The following CDH4 variants were observed in gnomAD, a reference collection of about 807,000 sequenced individuals.
The protein encoded by CDH4 is cadherin-4.
Under a neutral mutation model 86.0 loss-of-function variants are expected in CDH4, and 33 were observed. The observed-to-expected ratio is 0.38, with a 90% CI of 0.29 to 0.51. The LOEUF is 0.51. Among genes scored for constraint, CDH4 ranks in the 20% least tolerant of loss-of-function variants. The probability of loss-of-function intolerance (pLI) is 0.86; values close to 1 mark genes in which losing one functional copy is unlikely to be tolerated. For missense variants in CDH4, 1,114 were observed against 1,307.4 expected (o/e 0.85, Z 2.28); for synonymous variants, 555 against 549.4 (o/e 1.01, Z -0.14).
chr20:61,853,138 T>A (rs565955271), intron 6 of CDH4, among the ~76,000 whole-genome samples: 27 of 152,242 alleles, frequency 1.8e-4, no homozygotes, highest in African/African-American at 6.5e-4. Flanking sequence ...GCCAACGGGC[T>A]GGGAAGAAAA....
At chr20:61,649,609 A>G (rs569546248) in intron 2 of CDH4, among the ~76,000 whole-genome samples, 2 of 152,336 alleles carry the variant, frequency 1.3e-5, no homozygotes, top group African/African-American at 4.8e-5. Context: ...TCCTGCAGGA[A>G]GAGACTTGTA....
At chr20:61,328,901 T>C (rs1184444216) in intron 2 of CDH4, among the ~76,000 whole-genome samples, 1 of 152,216 alleles carries the variant, frequency 6.6e-6, no homozygotes. Context: ...GCTCCTTAAT[T>C]TACAGCCCAA....
intron 2 of CDH4, among the ~76,000 whole-genome samples, chr20:61,332,762 G>A (rs8117647): frequency 0.017 from 2,651 of 152,276 alleles, 85 homozygotes; most frequent in African/African-American, 0.061. Context: ...GAAGTTATTC[G>A]CTTCCTGGTG....
intron 2 of CDH4, among the ~76,000 whole-genome samples, chr20:61,629,629 G>A (rs1428544066): frequency 6.6e-6 from 1 of 152,198 alleles, no homozygotes; most frequent in Non-Finnish European, 1.5e-5. Flanking sequence ...TGTTAGTAAT[G>A]ATCACTTAAG....
intron 2 of CDH4, among the ~76,000 whole-genome samples, chr20:61,677,192 A>T (rs1006571913): frequency 1.3e-5 from 2 of 152,138 alleles, no homozygotes; most frequent in African/African-American, 4.8e-5. Context: ...AGCTGGCTGG[A>T]GTAGGGGAAG....
chr20:61,274,930 A>C (rs186239287), intron 2 of CDH4, among the ~76,000 whole-genome samples: 1 of 141,736 alleles, frequency 7.1e-6, no homozygotes, highest in African/African-American at 2.7e-5. Flanking sequence ...TACTGTGCAC[A>C]GTTTGGAGGA....
chr20:61,666,290 G>A (rs1324901771), intron 2 of CDH4, among the ~76,000 whole-genome samples: 1 of 152,194 alleles, frequency 6.6e-6, no homozygotes, highest in Non-Finnish European at 1.5e-5. Flanking sequence ...GCCTGGAGCT[G>A]GGGAGTCGGC....
Position 61,491,562 on chromosome 20 carries a change from G to A in CDH4, c.169+236625G>A, listed in dbSNP as rs112991020. Among the ~76,000 whole-genome samples, 693 of 152,318 alleles carry A rather than the reference G, an allele frequency of 4.5e-3. 3 individuals carry two copies. Among genetic ancestry groups the A allele is most frequent in the African/African-American group, 0.016 (668 of 41,568 alleles). On this transcript the variant is annotated intron_variant, in intron 2 of 15. Coordinates refer to ENST00000614565, the MANE Select transcript of CDH4 (RefSeq NM_001794.5). ...GATACAAACTGTGATTTAAAGATAC[G>A]CAAAAATTGTGATGCAGTCTTGAAG...
rs137941115 is a variant in CDH4, at chr20:61,463,289, G to A, written c.169+208352G>A. 1.2e-4 allele frequency among the ~76,000 whole-genome samples: 19 copies of A among 152,288 alleles called. No homozygotes were observed. In the East Asian group the frequency reaches 1.5e-3, roughly 12 times the overall value. On this transcript the variant is annotated intron_variant, in intron 2 of 15. Transcript: ENST00000614565. ...GAACAGAATAATACAGGTGGGCACC[G>A]GGGCAGGAGTAGGCAGGCAAAGCCC...
chr20:61,321,831 C>G (rs142667758), intron 2 of CDH4, among the ~76,000 whole-genome samples: 1 of 152,256 alleles, frequency 6.6e-6, no homozygotes, highest in East Asian at 1.9e-4. Flanking sequence ...CAATAGCTGC[C>G]AAAGACGCTC....
intron 8 of CDH4, among the ~76,000 whole-genome samples, chr20:61,900,249 G>C (rs74780268): frequency 1.3e-5 from 2 of 152,230 alleles, no homozygotes; most frequent in East Asian, 3.8e-4. Flanking sequence ...ACGATTCAGC[G>C]TGAGTTCCTG....
chr20:61,362,842 A>C (rs2084791588), intron 2 of CDH4, among the ~76,000 whole-genome samples: 1 of 152,160 alleles, frequency 6.6e-6, no homozygotes, highest in Non-Finnish European at 1.5e-5. Flanking sequence ...TGCCAAGTAC[A>C]AGGGTCCAGC....
chr20:61,622,597 A>G (rs945875729), intron 2 of CDH4, among the ~76,000 whole-genome samples: 3 of 152,246 alleles, frequency 2.0e-5, no homozygotes, highest in South Asian at 2.1e-4. Flanking sequence ...GGCCCTTGCT[A>G]CGGAAGACTC....
chr20:61,606,737 G>C (rs1380170144), intron 2 of CDH4, among the ~76,000 whole-genome samples: 5 of 152,236 alleles, frequency 3.3e-5, no homozygotes, highest in Non-Finnish European at 7.3e-5. Flanking sequence ...CCTGCTCAGG[G>C]CCAGTGACAT....
intron 6 of CDH4, among the ~76,000 whole-genome samples, chr20:61,860,346 G>C (rs1983263766): frequency 6.6e-6 from 1 of 152,218 alleles, no homozygotes; most frequent in South Asian, 2.1e-4. Flanking sequence ...GGCAATCCCT[G>C]TCTTCCCTGA....
At chr20:61,853,260 C>T (rs1982823654) in intron 6 of CDH4, among the ~76,000 whole-genome samples, 2 of 151,974 alleles carry the variant, frequency 1.3e-5, no homozygotes, top group African/African-American at 4.8e-5. Context: ...CGGAGTGGGA[C>T]TGGGGTGGGC....
chr20:61,459,117 G>A (rs1040108713), intron 2 of CDH4, among the ~76,000 whole-genome samples: 67 of 152,060 alleles, frequency 4.4e-4, no homozygotes, highest in African/African-American at 1.6e-3. Context: ...GGCCCCAGTG[G>A]CCCCAGCATG....
intron 2 of CDH4, among the ~76,000 whole-genome samples, chr20:61,466,407 T>G (rs968878098): frequency 1.3e-5 from 2 of 152,208 alleles, no homozygotes; most frequent in Non-Finnish European, 2.9e-5. Flanking sequence ...AGATCGTGCA[T>G]AGCAGGTGCA....
In CDH4 at chr20:61,518,309, G is replaced by T. The variant is rs1266770913; in HGVS notation, c.170-225254G>T. ...GGAGGACTCCCAGGTGCAGAGATGG[G>T]CTCTTAACCACCTCTTCCCTATGCT... On this transcript the variant is annotated intron_variant, in intron 2 of 15. Transcript: ENST00000614565. This position sits in a 1 kb window ranked among gnomAD's most constrained non-coding sequence, Gnocchi z 6.3. Among the ~76,000 whole-genome samples the T allele has an allele frequency of 6.6e-6, 1 of 152,132 alleles. No individual in the cohort carries two copies. Among genetic ancestry groups the T allele is most frequent in the African/African-American group, 2.4e-5 (1 of 41,420 alleles).
Sources: gnomAD v4.1 joint callset for allele counts (sites outside exome capture counted in the v4.1 genomes callset) on GRCh38, gnomAD v4.1.1 for gene constraint, Gnocchi (gnomAD v3.1) non-coding constraint, MANE v1.5 for transcripts, NCBI Gene and HGNC (gene_info 2026-07-23, HGNC 2026-07-21) for gene names.